Variants in SYNE2 observed in about 807,000 individuals in gnomAD.
SYNE2 encodes the protein nesprin-2.
A neutral mutation model predicts 856.3 loss-of-function variants in SYNE2; 431 were observed. The observed-to-expected ratio is 0.50, with a 90% confidence interval of 0.47 to 0.55. SYNE2 has a LOEUF of 0.55. SYNE2 is among the 20% of genes least tolerant of loss of function. SYNE2 has a pLI of 0.00. For missense variants in SYNE2, 8,129 were observed against 8,023.2 expected (o/e 1.01, Z -0.50); for synonymous variants, 2,923 against 2,872.3 (o/e 1.02, Z -0.56).
chr14:63,783,394 C>A (rs1263256953), intron 1 of SYNE2, among the ~76,000 whole-genome samples: 1 of 151,868 alleles, frequency 6.6e-6, no homozygotes, highest in African/African-American at 2.4e-5. Context: ...TCTTTTTTTT[C>A]TGAGACTGAG....
chr14:63,907,774 C>G (rs1166599620), intron 1 of SYNE2, among the ~76,000 whole-genome samples: 1 of 152,052 alleles, frequency 6.6e-6, no homozygotes, highest in Non-Finnish European at 1.5e-5. Context: ...GTATCTTTGT[C>G]ACTCATCAGG....
At chr14:64,216,444 G>A (rs911626746) in intron 108 of SYNE2, 57 bp downstream of exon 108, 2 of 1,586,830 alleles carry the variant, frequency 1.3e-6, no homozygotes, top group South Asian at 1.1e-5. Context: ...ACTTACATTT[G>A]CAAGAGAGAG....
intron 45 of SYNE2, among the ~76,000 whole-genome samples, chr14:64,042,175 A>G (rs1177773567): frequency 1.3e-5 from 2 of 152,238 alleles, no homozygotes; most frequent in African/African-American, 4.8e-5. Flanking sequence ...ATCTGTTAAC[A>G]TGGATAAACC....
chr14:64,143,699 G>A, intron 82 of SYNE2, 73 bp from the exon 83 acceptor site: 1 of 1,537,132 alleles, frequency 6.5e-7, no homozygotes, highest in Admixed American at 1.7e-5. Context: ...GCCCCCTCGA[G>A]CACATAAAGG....
chr14:63,888,320 T>C (rs1318121353), intron 1 of SYNE2, among the ~76,000 whole-genome samples: 1 of 152,136 alleles, frequency 6.6e-6, no homozygotes, highest in Non-Finnish European at 1.5e-5. Flanking sequence ...ATCCCAGGCC[T>C]GGGTGGGGGG....
chr14:63,887,992 A>T (rs2095037476), intron 1 of SYNE2, among the ~76,000 whole-genome samples: 1 of 151,966 alleles, frequency 6.6e-6, no homozygotes, highest in Non-Finnish European at 1.5e-5. Flanking sequence ...ACCTCAAGTG[A>T]TCTGCCCGCC....
intron 93 of SYNE2, 138 bp downstream of exon 93, chr14:64,169,109 GCTTCTAA>G: frequency 1.4e-6 from 1 of 710,348 alleles, no homozygotes. Flanking sequence ...ATAGGACCAG[GCTTCTAA>G]CTATGTAGTG....
intron 2 of SYNE2, among the ~76,000 whole-genome samples, chr14:63,920,835 C>T (rs1003820364): frequency 2.0e-5 from 3 of 151,922 alleles, no homozygotes; most frequent in Admixed American, 6.6e-5. Flanking sequence ...AGGTTTTGGC[C>T]GGGTATGGTG....
rs186595137 is a variant in SYNE2, at chr14:64,163,675, C to T, written c.16479+94C>T. The T allele has an allele frequency of 3.0e-4, 433 of 1,463,100 alleles. 6 individuals carry two copies. The Admixed American group carries it at 7.7e-3, about 26-fold the overall frequency. The allele number at this position is 1,463,100 out of a possible 1,614,324, so 90.6% of individuals were successfully genotyped here. A position where few individuals can be genotyped will look rare whatever the true frequency, so the allele number is the denominator to read the frequency against. Reference sequence around the variant, plus strand: ...CTTTGAAGCAGTAGTGCTTTACGGGCTGCTCCTTAGCAAAATTACAGACTG... The same window carrying T: ...CTTTGAAGCAGTAGTGCTTTACGGGTTGCTCCTTAGCAAAATTACAGACTG... On this transcript the variant is annotated intron_variant, in intron 89 of 115. Transcript: ENST00000555002.
intron 10 of SYNE2, among the ~76,000 whole-genome samples, chr14:63,966,023 C>G (rs1566928718): frequency 6.6e-6 from 1 of 152,166 alleles, no homozygotes; most frequent in South Asian, 2.1e-4. Context: ...CTTTGACTTT[C>G]TCATAACATT....
chr14:64,134,077 A>G lies in SYNE2; in HGVS notation c.14523A>G (p.Glu4841=). ...TGTCCTTGATTCTCTAGAAATGGGA[A>G]GAATTTGATGAAAACTATGCATCTC... ...MKLQSLLQKW[E]EFDENYASLE... is the part of the protein sequence containing the mutation. The change falls in exon 78 of 116, where the codon GAA becomes GAG. Residue 4841 remains glutamate (E), a synonymous_variant. Transcript: ENST00000555002. 1 of 1,614,086 alleles carries G rather than the reference A, an allele frequency of 6.2e-7. No individual in the cohort carries two copies. The highest frequency in any genetic ancestry group is 8.5e-7 in the Non-Finnish European group (1 of 1,179,976).
rs764479127 is a variant in SYNE2, at chr14:64,140,018, C to T, written c.14921C>T (p.Ser4974Phe). The change falls in exon 80 of 116, where the codon TCC becomes TTC. Residue 4974 changes from serine (S) to phenylalanine (F), a missense_variant. This residue lies in a region of SYNE2 where 5,410 missense variants were observed against 5,284.8 expected (regional missense o/e 1.02). Coordinates refer to ENST00000555002, the MANE Select transcript of SYNE2 (RefSeq NM_182914.3). ...ACTCTGAATTACTGGAAAGAACAGT[C>T]CCTCAATGTGTCTCAGGACTTGGAT... ...QHTLNYWKEQ[S>F]LNVSQDLDTI... The T allele has an allele frequency of 6.2e-7, 1 of 1,613,994 alleles. No homozygotes were observed. Among genetic ancestry groups the T allele is most frequent in the Non-Finnish European group, 8.5e-7 (1 of 1,179,942 alleles).
At chr14:63,885,271 A>G (rs773977893) in intron 1 of SYNE2, among the ~76,000 whole-genome samples, 20 of 152,152 alleles carry the variant, frequency 1.3e-4, no homozygotes, top group Non-Finnish European at 2.2e-4. Context: ...TTGCAACTCA[A>G]CTTTCTCCTC....
At chr14:64,125,027 AC>A in intron 70 of SYNE2, 51 bp from the exon 71 acceptor site, 1 of 1,603,116 alleles carries the variant, frequency 6.2e-7, no homozygotes, top group South Asian at 1.1e-5. Flanking sequence ...AAATTAATTA[AC>A]ATCAGCAGGG....
chr14:63,939,386 CA>C (rs2095874937), intron 2 of SYNE2, among the ~76,000 whole-genome samples: 1 of 135,484 alleles, frequency 7.4e-6, no homozygotes, highest in Admixed American at 8.0e-5. Context: ...CTCGCATTGT[CA>C]CCCAGGCTGG....
chr14:64,122,743 G>A (rs574971648), intron 70 of SYNE2, among the ~76,000 whole-genome samples: 4 of 152,270 alleles, frequency 2.6e-5, no homozygotes, highest in African/African-American at 9.6e-5. Context: ...GCCAAGCACC[G>A]TACCTAGGAC....
chr14:64,058,933 A>G (rs566614053), intron 49 of SYNE2, among the ~76,000 whole-genome samples: 1 of 152,080 alleles, frequency 6.6e-6, no homozygotes, highest in Non-Finnish European at 1.5e-5. Context: ...TGCTTGATCA[A>G]TTCTGCTGGT....
At chr14:63,941,644 T>C in intron 3 of SYNE2, 51 bp from the exon 4 acceptor site, 1 of 1,494,280 alleles carries the variant, frequency 6.7e-7, no homozygotes, top group Non-Finnish European at 9.3e-7. Flanking sequence ...CTTAAAGGTA[T>C]TCTTTTTGGA....
intron 2 of SYNE2, among the ~76,000 whole-genome samples, chr14:63,924,306 C>T (rs1367738462): frequency 6.6e-6 from 1 of 151,844 alleles, no homozygotes; most frequent in Non-Finnish European, 1.5e-5. Flanking sequence ...TGTCTTCCAA[C>T]TTAATTCTTT....
Sources: allele counts gnomAD v4.1 joint callset (sites outside exome capture counted in the v4.1 genomes callset), GRCh38; gene constraint gnomAD v4.1.1; regional missense constraint gnomAD v4.1.1; transcripts MANE v1.5; gene names NCBI Gene and HGNC (gene_info 2026-07-23, HGNC 2026-07-21).